Variants in NXPE2 observed in about 807,000 individuals in gnomAD.
NXPE2 encodes NXPE family member 2.
In NXPE2, 34 loss-of-function variants were observed where a neutral mutation model predicts 34.4. The ratio of observed to expected loss-of-function variants is 0.99; its 90% confidence interval spans 0.75 to 1.31. The LOEUF is 1.31. Ranked by LOEUF, NXPE2 falls within the 40% of genes most tolerant of loss-of-function variation. The pLI is 0.00. For synonymous variants in NXPE2, 235 were observed against 231.3 expected, an observed-to-expected ratio of 1.02 and a Z score of -0.15; for missense variants, 649 against 672.5, an observed-to-expected ratio of 0.97 and a Z score of 0.39.
At chr11:114,613,408 A>C in the NXPE2 span, among the ~76,000 whole-genome samples, 1 of 151,314 alleles carries the variant, frequency 6.6e-6, no homozygotes, top group Non-Finnish European at 1.5e-5. Flanking sequence ...GTGGGTAAGC[A>C]CTGTTACCTG....
At chr11:114,540,837 C>CTTTTT in the NXPE2 span, among the ~76,000 whole-genome samples, 6 of 47,472 alleles carry the variant, frequency 1.3e-4, 3 homozygotes, top group East Asian at 1.8e-3. Flanking sequence ...AGAAAGCCAT[C>CTTTTT]TTTTTTTTTT....
At chr11:114,748,171 ATT>A in the NXPE2 span, among the ~76,000 whole-genome samples, 1 of 152,068 alleles carries the variant, frequency 6.6e-6, no homozygotes, top group Non-Finnish European at 1.5e-5. Context: ...TTTTATTAAT[ATT>A]TTGTTTTGAA....
the NXPE2 span, among the ~76,000 whole-genome samples, chr11:114,466,403 T>A: frequency 6.6e-6 from 1 of 152,246 alleles, no homozygotes; most frequent in African/African-American, 2.4e-5. Context: ...TGTTTAGTAT[T>A]AATTTATGCT....
chr11:114,767,050 T>C, the NXPE2 span, among the ~76,000 whole-genome samples: 1 of 152,184 alleles, frequency 6.6e-6, no homozygotes, highest in Non-Finnish European at 1.5e-5. Context: ...GAGCAGCTGG[T>C]GATATTAAAG....
chr11:114,555,701 C>G, the NXPE2 span, among the ~76,000 whole-genome samples: 1 of 152,092 alleles, frequency 6.6e-6, no homozygotes, highest in Non-Finnish European at 1.5e-5. Context: ...TTTCTGGCCC[C>G]GGATAATCAC....
At chr11:114,653,888 G>C in the NXPE2 span, among the ~76,000 whole-genome samples, 1 of 152,062 alleles carries the variant, frequency 6.6e-6, no homozygotes, top group Non-Finnish European at 1.5e-5. Flanking sequence ...TCCTAAGCAA[G>C]GAGCAGCAAT....
chr11:114,800,812 GGGGATTA>G, the NXPE2 span, among the ~76,000 whole-genome samples: 1 of 152,152 alleles, frequency 6.6e-6, no homozygotes, highest in South Asian at 2.1e-4. Context: ...GGATTTCTGT[GGGGATTA>G]AATCTGACTA....
At chr11:114,740,417 T>TGTTCTTCGACATGCAAGTGCAA in the NXPE2 span, among the ~76,000 whole-genome samples, 1 of 152,208 alleles carries the variant, frequency 6.6e-6, no homozygotes, top group East Asian at 1.9e-4. Flanking sequence ...GGCAAGTGCA[T>TGTTCTTCGACATGCAAGTGCAA]GTTCTTCGAC....
chr11:114,563,504 C>T, the NXPE2 span, among the ~76,000 whole-genome samples: 31 of 152,202 alleles, frequency 2.0e-4, no homozygotes, highest in African/African-American at 7.5e-4. Flanking sequence ...TTCTGCACAG[C>T]AAAGGAAATA....
At chr11:114,697,057 C>T (rs1037860301) in intron 2 of NXPE2, among the ~76,000 whole-genome samples, 2 of 152,158 alleles carry the variant, frequency 1.3e-5, no homozygotes, top group Non-Finnish European at 2.9e-5. Flanking sequence ...CTGTCTTTCT[C>T]TCTCTCAAAA....
chr11:114,570,905 C>A, the NXPE2 span: 1 of 1,477,670 alleles, frequency 6.8e-7, no homozygotes, highest in Non-Finnish European at 9.1e-7. Flanking sequence ...AATTTTTTTA[C>A]TTAAGTGAAT....
At chr11:114,561,631 A>G in the NXPE2 span, among the ~76,000 whole-genome samples, 3 of 152,178 alleles carry the variant, frequency 2.0e-5, no homozygotes, top group Admixed American at 6.5e-5. Context: ...CTTAGCCTTG[A>G]GGATACTGTT....
the NXPE2 span, among the ~76,000 whole-genome samples, chr11:114,486,602 G>T: frequency 6.6e-6 from 1 of 152,064 alleles, no homozygotes; most frequent in South Asian, 2.1e-4. Context: ...TTTCCCCAAT[G>T]TTTTCTTCTA....
At chr11:114,760,538 G>C in the NXPE2 span, among the ~76,000 whole-genome samples, 5 of 152,176 alleles carry the variant, frequency 3.3e-5, no homozygotes. Context: ...GGTGTTAAGA[G>C]GGCAAATAAA....
chr11:114,684,639 A>T (rs1951011260), intron 2 of NXPE2, among the ~76,000 whole-genome samples: 1 of 152,042 alleles, frequency 6.6e-6, no homozygotes, highest in African/African-American at 2.4e-5. Flanking sequence ...GACCCTTGAG[A>T]AACTTAATTG....
chr11:114,578,561 C>A, the NXPE2 span, among the ~76,000 whole-genome samples: 1 of 152,144 alleles, frequency 6.6e-6, no homozygotes, highest in Non-Finnish European at 1.5e-5. Context: ...TTTCTTATAA[C>A]TTAGAACTAA....
chr11:114,735,321 T>TA, the NXPE2 span, among the ~76,000 whole-genome samples: 1 of 152,176 alleles, frequency 6.6e-6, no homozygotes, highest in Non-Finnish European at 1.5e-5. Flanking sequence ...ATCCACTTTT[T>TA]ATTAGTGGTT....
At chr11:114,797,782 G>A in the NXPE2 span, among the ~76,000 whole-genome samples, 3,582 of 152,192 alleles carry the variant, frequency 0.024, 138 homozygotes, top group African/African-American at 0.079. Context: ...ACTTTGGGAC[G>A]AATAATGCTT....
the NXPE2 span, among the ~76,000 whole-genome samples, chr11:114,546,487 A>T: frequency 1.4e-5 from 2 of 147,362 alleles, no homozygotes; most frequent in Admixed American, 6.8e-5. Flanking sequence ...TTTTTTTTAG[A>T]GATGGGGTTT....
Sources: gnomAD v4.1 joint callset for allele counts (sites outside exome capture counted in the v4.1 genomes callset) on GRCh38, gnomAD v4.1.1 for gene constraint, MANE v1.5 for transcripts, NCBI Gene and HGNC (gene_info 2026-07-23, HGNC 2026-07-21) for gene names.